TAF4B: variants seen among roughly 807,000 people sequenced by gnomAD.
The protein encoded by TAF4B is TATA-box binding protein associated factor 4b.
TAF4B carries 38 observed loss-of-function variants against 86.4 expected under a neutral mutation model. That is an observed-to-expected ratio of 0.44 (90% CI 0.34 to 0.58). The LOEUF is 0.58. TAF4B is among the 20% of genes least tolerant of loss of function. The pLI, the probability that TAF4B is intolerant of heterozygous loss-of-function variation, is 0.02. For synonymous variants in TAF4B, 388 were observed against 391.2 expected (o/e 0.99, Z 0.10); for missense variants, 988 against 1,027.6 (o/e 0.96, Z 0.53).
chr18:26,340,123 T>C (rs1295227590), intron 13 of TAF4B, among the ~76,000 whole-genome samples: 1 of 152,180 alleles, frequency 6.6e-6, no homozygotes, highest in African/African-American at 2.4e-5. Flanking sequence ...ATCCTAAAGT[T>C]TTTGGGATTT....
chr18:26,286,746 C>A (rs1412850625), intron 7 of TAF4B, among the ~76,000 whole-genome samples: 4 of 151,998 alleles, frequency 2.6e-5, no homozygotes, highest in African/African-American at 9.7e-5. Context: ...TGCAGTGGCA[C>A]GATCTCGGCT....
chr18:26,317,628 T>C (rs1474882575), intron 10 of TAF4B, among the ~76,000 whole-genome samples: 1 of 152,172 alleles, frequency 6.6e-6, no homozygotes, highest in Admixed American at 6.5e-5. Flanking sequence ...ACAACAAATG[T>C]TTATTTCTCA....
Position 26,267,573 on chromosome 18 carries a change from C to G in TAF4B, c.547C>G (p.Gln183Glu), listed in dbSNP as rs1285439119. The G allele has an allele frequency of 6.2e-7, 1 of 1,614,102 alleles. No individual in the cohort carries two copies. The highest frequency in any genetic ancestry group is 8.5e-7 in the Non-Finnish European group (1 of 1,179,998). ...VAVTPVKKLA[Q>E]IGTTVVTTVP... is the part of the protein sequence containing the mutation. Reference sequence around the variant, plus strand: ...AGTGACACCTGTTAAAAAATTGGCACAAATAGGAACTACTGTGGTAACCAC... The same window carrying G: ...AGTGACACCTGTTAAAAAATTGGCAGAAATAGGAACTACTGTGGTAACCAC... The change falls in exon 3 of 15, where the codon CAA (glutamine) becomes GAA (glutamate). Residue 183 changes from glutamine (Q) to glutamate (E), a missense_variant. Transcript: ENST00000269142.
At chr18:26,315,195 C>CACACACACAAA in intron 9 of TAF4B, 34 bp from the exon 10 acceptor site, 1 of 1,093,706 alleles carries the variant, frequency 9.1e-7, no homozygotes, top group Non-Finnish European at 1.2e-6. Flanking sequence ...ACACACACAA[C>CACACACACAAA]CTAAAATGTA....
At chr18:26,358,309 C>G (rs2057304128) in intron 14 of TAF4B, among the ~76,000 whole-genome samples, 1 of 152,182 alleles carries the variant, frequency 6.6e-6, no homozygotes, top group South Asian at 2.1e-4. Flanking sequence ...TAATAATAGT[C>G]TTTTGTATTC....
At chr18:26,270,389 T>C (rs2056297742) in intron 3 of TAF4B, among the ~76,000 whole-genome samples, 1 of 152,224 alleles carries the variant, frequency 6.6e-6, no homozygotes, top group African/African-American at 2.4e-5. Flanking sequence ...TTCGTTGAAG[T>C]CTTAATAGTT....
intron 7 of TAF4B, among the ~76,000 whole-genome samples, chr18:26,288,176 C>G (rs923006785): frequency 1.3e-5 from 2 of 152,180 alleles, no homozygotes; most frequent in African/African-American, 4.8e-5. Context: ...CAATGCTAAT[C>G]TTTATTGAGC....
At chr18:26,298,362 G>A (rs1194271602) in intron 9 of TAF4B, among the ~76,000 whole-genome samples, 1 of 151,788 alleles carries the variant, frequency 6.6e-6, no homozygotes, top group Non-Finnish European at 1.5e-5. Flanking sequence ...CCGGGTAGCT[G>A]GGACTATAGG....
intron 3 of TAF4B, among the ~76,000 whole-genome samples, chr18:26,270,748 C>T (rs1383520235): frequency 2.0e-5 from 3 of 150,458 alleles, no homozygotes; most frequent in African/African-American, 7.5e-5. Flanking sequence ...ACTATGGAAC[C>T]ATTTTGAGGG....
intron 1 of TAF4B, among the ~76,000 whole-genome samples, chr18:26,229,268 A>G (rs1314107703): frequency 6.6e-6 from 1 of 150,750 alleles, no homozygotes; most frequent in Non-Finnish European, 1.5e-5. Flanking sequence ...AAAGAGAGAA[A>G]GAAGATAAGT....
At chr18:26,282,155 T>G (rs2056458140) in intron 6 of TAF4B, 95 bp downstream of exon 6, 1 of 1,004,186 alleles carries the variant, frequency 1.0e-6, no homozygotes, top group Admixed American at 2.1e-5. Flanking sequence ...CAATTGAATG[T>G]GAAGATACTG....
chr18:26,285,210 C>CTTTTTTTT (rs113394710), intron 6 of TAF4B, among the ~76,000 whole-genome samples: 1 of 42,544 alleles, frequency 2.4e-5, no homozygotes, highest in Non-Finnish European at 4.4e-5. Flanking sequence ...TCTTCCTTTC[C>CTTTTTTTT]TTTTTTTTTT....
intron 1 of TAF4B, among the ~76,000 whole-genome samples, chr18:26,251,416 A>G (rs1371842626): frequency 6.6e-6 from 1 of 152,172 alleles, no homozygotes; most frequent in East Asian, 1.9e-4. Context: ...GTGAATGTGG[A>G]GAAGTCAGAG....
At chr18:26,325,730 A>G (rs556274090) in intron 11 of TAF4B, among the ~76,000 whole-genome samples, 1 of 152,310 alleles carries the variant, frequency 6.6e-6, no homozygotes, top group Non-Finnish European at 1.5e-5. Flanking sequence ...TTAAGAAACC[A>G]CTGGTTATTA....
At position 26,315,148 on chromosome 18, in the gene TAF4B, C is replaced by CTCTCTCTCTCTCTCTCTCTCTG. The variant is rs2056894520; in HGVS notation, c.1833-67_1833-66insTCTCTCTGTCTCTCTCTCTCTC. The CTCTCTCTCTCTCTCTCTCTCTG allele has an allele frequency of 1.3e-5, 5 of 393,598 alleles. No homozygotes were observed. In the African/African-American group the frequency reaches 1.4e-4, roughly 11 times the overall value. 24.4% of individuals were successfully genotyped at this position (393,598 alleles called of 1,614,324 possible). A position where few individuals can be genotyped will look rare whatever the true frequency, so the allele number is the denominator to read the frequency against. ...TCTCTCTCTCTCTCTCTCTCTCTGT[C>CTCTCTCTCTCTCTCTCTCTCTG]TCTCTCTCTCTCTCACACACACACA... On this transcript the variant is annotated intron_variant, in intron 9 of 14. Coordinates refer to ENST00000269142, the MANE Select transcript of TAF4B (RefSeq NM_005640.3).
At chr18:26,339,116 T>C (rs748750194) in intron 13 of TAF4B, among the ~76,000 whole-genome samples, 1 of 152,218 alleles carries the variant, frequency 6.6e-6, no homozygotes, top group African/African-American at 2.4e-5. Context: ...ATTTTCAACT[T>C]ACGGGCTGTC....
intron 1 of TAF4B, among the ~76,000 whole-genome samples, chr18:26,262,193 G>A (rs919255840): frequency 1.3e-4 from 19 of 148,900 alleles, no homozygotes; most frequent in Non-Finnish European, 1.6e-4. Context: ...TCTTCAATAT[G>A]TAGCTGGGAT....
chr18:26,267,196 A>T (rs940352736), intron 2 of TAF4B: 1 of 178,674 alleles, frequency 5.6e-6, no homozygotes, highest in Non-Finnish European at 1.2e-5. Context: ...TTACATAAGA[A>T]TCTATTTTTT....
At chr18:26,229,490 C>A (rs1269488747) in intron 1 of TAF4B, among the ~76,000 whole-genome samples, 1 of 121,368 alleles carries the variant, frequency 8.2e-6, no homozygotes, top group Non-Finnish European at 1.8e-5. Flanking sequence ...ATCTTTCTTT[C>A]TTTCTTTTTT....
Sources: allele counts gnomAD v4.1 joint callset (sites outside exome capture counted in the v4.1 genomes callset), GRCh38; gene constraint gnomAD v4.1.1; transcripts MANE v1.5; gene names NCBI Gene and HGNC (gene_info 2026-07-23, HGNC 2026-07-21).